SDK1: variants seen among roughly 807,000 people sequenced by gnomAD.
SDK1 encodes protein sidekick-1.
Under a neutral mutation model 245.5 loss-of-function variants are expected in SDK1, and 157 were observed. That is an observed-to-expected ratio of 0.64 (90% CI 0.56 to 0.73). The LOEUF is 0.73. Ranked by LOEUF, SDK1 falls within the 30% of genes least tolerant of loss-of-function variation. The probability of loss-of-function intolerance (pLI) is 0.00; values close to 1 mark genes in which losing one functional copy is unlikely to be tolerated. For synonymous variants in SDK1, 1,647 were observed against 1,278.5 expected (o/e 1.29, Z -6.15); for missense variants, 3,583 against 3,002.3 (o/e 1.19, Z -4.52).
chr7:3,951,081 C>G (rs776021476), intron 6 of SDK1, 47 bp downstream of exon 6: 3 of 1,352,796 alleles, frequency 2.2e-6, no homozygotes, highest in Non-Finnish European at 3.2e-6. Context: ...ATTCCATGAC[C>G]TGTGACGAGC....
At chr7:3,587,056 G>A (rs1431146086) in intron 1 of SDK1, among the ~76,000 whole-genome samples, 7 of 152,206 alleles carry the variant, frequency 4.6e-5, no homozygotes, top group African/African-American at 1.2e-4. Context: ...TGGGCTTTGG[G>A]CTGAGGCCCT....
intron 4 of SDK1, among the ~76,000 whole-genome samples, chr7:3,732,398 G>A (rs150981049): frequency 2.0e-5 from 3 of 152,288 alleles, no homozygotes; most frequent in East Asian, 1.9e-4. Context: ...CTAAAAGTCC[G>A]AGGAAAGATA....
At chr7:3,575,107 C>T (rs1187709666) in intron 1 of SDK1, among the ~76,000 whole-genome samples, 1 of 152,036 alleles carries the variant, frequency 6.6e-6, no homozygotes, top group Non-Finnish European at 1.5e-5. Flanking sequence ...CACCTGACTG[C>T]CATAACCAAA....
At chr7:4,188,158 G>T (rs1278156155) in intron 35 of SDK1, among the ~76,000 whole-genome samples, 1 of 152,224 alleles carries the variant, frequency 6.6e-6, no homozygotes, top group Non-Finnish European at 1.5e-5. Flanking sequence ...TGAGATTTGG[G>T]TGGGGGCACA....
chr7:3,826,238 T>G (rs1232092694), intron 5 of SDK1, among the ~76,000 whole-genome samples: 1 of 152,150 alleles, frequency 6.6e-6, no homozygotes, highest in East Asian at 1.9e-4. Flanking sequence ...TAGTTACTTA[T>G]CAATTCTAAG....
intron 1 of SDK1, among the ~76,000 whole-genome samples, chr7:3,432,802 T>G (rs1323603151): frequency 6.6e-6 from 1 of 152,188 alleles, no homozygotes; most frequent in Non-Finnish European, 1.5e-5. Flanking sequence ...GCAACAAAAT[T>G]CTTTTATAAT....
chr7:3,990,623 A>G (rs1210749818), intron 14 of SDK1, among the ~76,000 whole-genome samples: 2 of 152,214 alleles, frequency 1.3e-5, no homozygotes, highest in African/African-American at 4.8e-5. Context: ...CCCTAAGGAC[A>G]GCCCCCATCA....
At chr7:3,596,988 AGGCTG>A (rs1781088230) in intron 1 of SDK1, among the ~76,000 whole-genome samples, 1 of 152,204 alleles carries the variant, frequency 6.6e-6, no homozygotes, top group Non-Finnish European at 1.5e-5. Context: ...AGTAGGTTAC[AGGCTG>A]AGCGAGGTGA....
At position 4,268,443 on chromosome 7, in the gene SDK1, C is replaced by T. The variant is rs974638177; in HGVS notation, c.*3059C>T. 1.8e-6 allele frequency: 2 copies of T among 1,127,356 alleles called. No homozygotes were observed. The highest frequency in any genetic ancestry group is 1.6e-5 in the African/African-American group (1 of 60,682). 69.8% of individuals were successfully genotyped at this position (1,127,356 alleles called of 1,614,324 possible). A position where few individuals can be genotyped will look rare whatever the true frequency, so the allele number is the denominator to read the frequency against. Reference sequence around the variant, plus strand: ...GCCTCGCCTTCAGCCTCTCTCCCAGCCTGCTTTTATAAGGCGCACTTCACT... The same window carrying T: ...GCCTCGCCTTCAGCCTCTCTCCCAGTCTGCTTTTATAAGGCGCACTTCACT... On this transcript the variant is annotated 3_prime_UTR_variant, in exon 45 of 45. Transcript: ENST00000404826.
intron 16 of SDK1, among the ~76,000 whole-genome samples, chr7:4,013,674 A>G (rs1786161353): frequency 6.6e-6 from 1 of 152,162 alleles, no homozygotes; most frequent in African/African-American, 2.4e-5. Context: ...GTCAAAACCA[A>G]TTTGCCGCTG....
rs201584911 is a variant in SDK1, at chr7:3,785,681, CT to C, written c.714-35767del. 5.8e-3 allele frequency among the ~76,000 whole-genome samples: 877 copies of C among 152,070 alleles called. 7 individuals are homozygous for C. Among genetic ancestry groups the C allele is most frequent in the African/African-American group, 0.02 (821 of 41,460 alleles). On this transcript the variant is annotated intron_variant, in intron 4 of 44. Coordinates refer to ENST00000404826, the MANE Select transcript of SDK1 (RefSeq NM_152744.4). ...AAATTTGAACATATCTGGTAAATTA[CT>C]TAGTAAATTTAGGCATTTATTTAAA... is the stretch of plus-strand genomic sequence containing the variant.
intron 35 of SDK1, among the ~76,000 whole-genome samples, chr7:4,185,397 T>G (rs1001741576): frequency 1.3e-5 from 2 of 152,178 alleles, no homozygotes; most frequent in African/African-American, 4.8e-5. Context: ...GGCCCTGGTC[T>G]CAGGTTAAGC....
At chr7:3,682,757 A>T (rs1425740597) in intron 4 of SDK1, among the ~76,000 whole-genome samples, 1 of 149,884 alleles carries the variant, frequency 6.7e-6, no homozygotes, top group Non-Finnish European at 1.5e-5. Context: ...TTGCTTTGTC[A>T]CTCGATCTGA....
chr7:4,244,694 G>A (rs1465735065), intron 43 of SDK1, among the ~76,000 whole-genome samples: 1 of 152,234 alleles, frequency 6.6e-6, no homozygotes, highest in Non-Finnish European at 1.5e-5. Flanking sequence ...TCAGGGCCTT[G>A]CATGGGTGTA....
chr7:3,657,328 C>T (rs184640839), intron 4 of SDK1, among the ~76,000 whole-genome samples: 258 of 152,260 alleles, frequency 1.7e-3, no homozygotes, highest in Middle Eastern at 0.01. Flanking sequence ...TCACAGTTGG[C>T]ACCCAGTGTC....
rs79958410 is a variant in SDK1 at position 4,157,793 on chromosome 7, G to A, written c.4626-655G>A. 2.8e-4 allele frequency among the ~76,000 whole-genome samples: 42 copies of A among 152,186 alleles called. No individual in the cohort carries two copies. In the East Asian group the frequency reaches 8.2e-3, roughly 30 times the overall value. ...TCCCAGAGCTCGTGTGAGTTCAAAG[G>A]GGTTGCACTTGCCAAGCGCCTGGCA... On this transcript the variant is annotated intron_variant, in intron 30 of 44. Transcript: ENST00000404826.
chr7:4,061,032 T>C (rs1350612895), intron 19 of SDK1, among the ~76,000 whole-genome samples: 1 of 152,218 alleles, frequency 6.6e-6, no homozygotes, highest in Non-Finnish European at 1.5e-5. Context: ...CCATGCTGTT[T>C]TGGATACTGG....
intron 17 of SDK1, among the ~76,000 whole-genome samples, chr7:4,036,215 T>G (rs534231486): frequency 3.9e-5 from 6 of 152,322 alleles, no homozygotes; most frequent in African/African-American, 1.4e-4. Context: ...GAGCAACTTT[T>G]TTCTTGACAT....
At chr7:4,031,248 G>A (rs373954520) in intron 17 of SDK1, among the ~76,000 whole-genome samples, 7 of 151,986 alleles carry the variant, frequency 4.6e-5, no homozygotes, top group African/African-American at 9.7e-5. Context: ...AGATAAAATC[G>A]GCTTCTGTGT....
Sources: allele counts gnomAD v4.1 joint callset (sites outside exome capture counted in the v4.1 genomes callset), GRCh38; gene constraint gnomAD v4.1.1; transcripts MANE v1.5; gene names NCBI Gene and HGNC (gene_info 2026-07-23, HGNC 2026-07-21).